The following DRC1 variants were observed in gnomAD, a reference collection of about 807,000 sequenced individuals.
DRC1 encodes dynein regulatory complex subunit 1.
DRC1 carries 74 observed loss-of-function variants against 98.7 expected under a neutral mutation model. The observed-to-expected ratio is 0.75, with a 90% CI of 0.62 to 0.91. The LOEUF is 0.91. Ranked by LOEUF, DRC1 falls within the 40% of genes least tolerant of loss-of-function variation. The pLI is 0.00. For synonymous variants in DRC1, 336 were observed against 334.1 expected, an observed-to-expected ratio of 1.01 and a Z score of -0.06; for missense variants, 875 against 886.0, an observed-to-expected ratio of 0.99 and a Z score of 0.16.
chr2:26,439,936 T>TATATACACAC lies in DRC1; in HGVS notation c.889-441_889-440insTATACACACA, dbSNP rs548209014. On this transcript the variant is annotated intron_variant, in intron 7 of 16. Transcript: ENST00000288710. Reference sequence around the variant, plus strand: ...ACTAGTGTGTGAATATATATATATATACACACACACATACACACACACACA... The same window carrying TATATACACAC: ...ACTAGTGTGTGAATATATATATATATATATACACACACACACACACATACACACACACACA... Among the ~76,000 whole-genome samples, 54 of 75,504 alleles carry TATATACACAC rather than the reference T, an allele frequency of 7.2e-4. 3 individuals are homozygous for TATATACACAC. Among genetic ancestry groups the TATATACACAC allele is most frequent in the African/African-American group, 2.1e-3 (48 of 23,056 alleles). The allele number at this position is 75,504 out of a possible 152,430, so 49.5% of individuals were successfully genotyped here. A position where few individuals can be genotyped will look rare whatever the true frequency, so the allele number is the denominator to read the frequency against.
intron 2 of DRC1, among the ~76,000 whole-genome samples, chr2:26,419,805 CACA>C (rs534758490): frequency 2.5e-4 from 38 of 152,308 alleles, no homozygotes; most frequent in African/African-American, 7.7e-4. Flanking sequence ...TGAATAACAT[CACA>C]ACAAGGCTAG....
At chr2:26,456,029 T>C (rs533664372) in intron 16 of DRC1, among the ~76,000 whole-genome samples, 1 of 152,180 alleles carries the variant, frequency 6.6e-6, no homozygotes, top group South Asian at 2.1e-4. Flanking sequence ...CAGCTGAAAG[T>C]GGGATGTTGT....
intron 2 of DRC1, among the ~76,000 whole-genome samples, chr2:26,414,785 C>T (rs1232428374): frequency 2.6e-5 from 4 of 152,096 alleles, no homozygotes; most frequent in African/African-American, 7.2e-5. Flanking sequence ...TTTGGTGAGG[C>T]GGATCCACTC....
In DRC1 at chr2:26,406,698, C is replaced by T. The variant is rs554838442; in HGVS notation, c.155+4554C>T. Among the ~76,000 whole-genome samples the T allele has an allele frequency of 5.3e-5, 8 of 151,296 alleles. No individual in the cohort carries two copies. The East Asian group carries it at 1.2e-3, about 22-fold the overall frequency. On this transcript the variant is annotated intron_variant, in intron 1 of 16. Transcript: ENST00000288710. The stretch of plus-strand genomic sequence containing the variant: ...CTGTACTCCAGCCTGGATGACAGAA[C>T]GAGACTCCTTCTCAAAAAAACCAAA...
In DRC1 at chr2:26,440,462, AAG is replaced by A; in HGVS notation, c.979_980del (p.Asp327Ter). ...AGAGTACAACTTGCAGGTGCTGAAG[AAG>A]AGAGATGAAGAAAGCACAGTAATTA... Reference protein sequence around the residue: ...KLEYNLQVLKKRDEESTVIKS... With the variant: ...KLEYNLQVLKXRDEESTVIKS... On this transcript the variant is annotated frameshift_variant, in exon 8 of 17. Coordinates refer to ENST00000288710, the MANE Select transcript of DRC1 (RefSeq NM_145038.5). LOFTEE classifies it high-confidence loss of function. 1 of 1,613,608 alleles carries A rather than the reference AAG, an allele frequency of 6.2e-7. No individual in the cohort carries two copies. The highest frequency in any genetic ancestry group is 1.1e-5 in the South Asian group (1 of 90,992).
At chr2:26,415,950 A>T (rs868652473) in intron 2 of DRC1, among the ~76,000 whole-genome samples, 154 of 152,150 alleles carry the variant, frequency 1.0e-3, no homozygotes, top group African/African-American at 3.6e-3. Flanking sequence ...AAAAAAAAAA[A>T]AAAAAAGTCA....
At chr2:26,418,662 T>TAA (rs1488579746) in intron 2 of DRC1, among the ~76,000 whole-genome samples, 1 of 89,820 alleles carries the variant, frequency 1.1e-5, no homozygotes, top group South Asian at 3.0e-4. Flanking sequence ...AAATTATATA[T>TAA]TATATAAATT....
At chr2:26,406,017 C>CT (rs1678414152) in intron 1 of DRC1, among the ~76,000 whole-genome samples, 1 of 152,144 alleles carries the variant, frequency 6.6e-6, no homozygotes, top group Admixed American at 6.5e-5. Context: ...TGGGACCATT[C>CT]TGTACCATTT....
rs1664091737 is a variant in DRC1, at chr2:26,454,640, C to T, written c.1920-7C>T. 3.1e-6 allele frequency: 5 copies of T among 1,613,888 alleles called. No homozygotes were observed. Among genetic ancestry groups the T allele is most frequent in the African/African-American group, 2.7e-5 (2 of 75,030 alleles). ...GACATGACAATCACTGTGCTCTTGG[C>T]CTTCAGGGACTCGCGGGCCCCGCTG... On this transcript the variant is annotated splice_polypyrimidine_tract_variant and splice_region_variant and intron_variant, in intron 14 of 16. Transcript: ENST00000288710. This position sits in a 1 kb window ranked among gnomAD's most constrained non-coding sequence, Gnocchi z 5.2.
intron 2 of DRC1, among the ~76,000 whole-genome samples, chr2:26,415,854 C>T (rs1014344098): frequency 6.6e-6 from 1 of 151,198 alleles, no homozygotes; most frequent in Admixed American, 6.6e-5. Flanking sequence ...ATTCCTTGAA[C>T]CCACGAGGTG....
chr2:26,453,597 C>G, intron 14 of DRC1, 48 bp downstream of exon 14: 1 of 1,567,174 alleles, frequency 6.4e-7, no homozygotes, highest in Non-Finnish European at 8.7e-7. Context: ...ACCAGGGGAG[C>G]TGGATGGGCT....
intron 2 of DRC1, among the ~76,000 whole-genome samples, chr2:26,419,868 G>A (rs1663079807): frequency 6.6e-6 from 1 of 152,190 alleles, no homozygotes; most frequent in African/African-American, 2.4e-5. Flanking sequence ...TAGAAGGATG[G>A]CACCAATTAC....
chr2:26,402,098 C>T lies in DRC1; in HGVS notation c.109C>T (p.Gln37Ter). The T allele has an allele frequency of 6.2e-7, 1 of 1,612,602 alleles. No homozygotes were observed. The highest frequency in any genetic ancestry group is 1.1e-5 in the South Asian group (1 of 91,028). ...VHSDNSQERI[Q>*]ARRLRIAARL... is the part of the protein sequence containing the mutation. ...CTCCGACAACTCTCAGGAGCGCATC[C>T]AGGCCCGGCGCCTCCGCATCGCTGC... The change falls in exon 1 of 17, where the codon CAG (glutamine) becomes TAG (stop). Residue 37 changes from glutamine to a stop codon, truncating the protein, a stop_gained. Transcript: ENST00000288710. LOFTEE classifies it high-confidence loss of function.
Position 26,454,843 on chromosome 2 carries a change from GT to G in DRC1, c.2063+55del, listed in dbSNP as rs1664101214. ...GGTGCTGGCGGGCAGGTGAGGAACGGTTGTTGGGAGCAGCCGCGTTTGCTGC... is the reference window on the plus strand; with the variant it reads ...GGTGCTGGCGGGCAGGTGAGGAACGGTGTTGGGAGCAGCCGCGTTTGCTGC... On this transcript the variant is annotated intron_variant, in intron 15 of 16. Transcript: ENST00000288710. The surrounding 1 kb of genome is among the most constrained non-coding windows in gnomAD (Gnocchi z 5.2). 45 of 1,610,008 alleles carry G rather than the reference GT, an allele frequency of 2.8e-5. 2 individuals carry two copies. The South Asian group carries it at 4.8e-4, about 17-fold the overall frequency.
At chr2:26,406,924 C>G (rs1374243192) in intron 1 of DRC1, among the ~76,000 whole-genome samples, 1 of 147,262 alleles carries the variant, frequency 6.8e-6, no homozygotes, top group African/African-American at 2.5e-5. Context: ...CTCAAGTGAT[C>G]CCCCCCACCC....
intron 4 of DRC1, among the ~76,000 whole-genome samples, chr2:26,426,603 G>T (rs760026478): frequency 2.0e-5 from 3 of 151,960 alleles, no homozygotes; most frequent in Non-Finnish European, 4.4e-5. Context: ...CTGACCTCAG[G>T]TGACCCACCT....
chr2:26,450,571 C>A, intron 12 of DRC1, 21 bp from the exon 13 acceptor site: 1 of 1,606,460 alleles, frequency 6.2e-7, no homozygotes. Flanking sequence ...GTTTGAGCAA[C>A]CATCCTGTTT....
intron 2 of DRC1, among the ~76,000 whole-genome samples, chr2:26,417,993 A>T (rs544528263): frequency 5.3e-5 from 8 of 151,290 alleles, no homozygotes; most frequent in African/African-American, 1.9e-4. Context: ...TTCTTCCCTT[A>T]TTGCATTAGT....
At chr2:26,426,961 A>G (rs1170121465) in intron 4 of DRC1, among the ~76,000 whole-genome samples, 1 of 152,122 alleles carries the variant, frequency 6.6e-6, no homozygotes, top group African/African-American at 2.4e-5. Context: ...TACAGTTTTC[A>G]GTGTACAAGG....
Sources: allele counts gnomAD v4.1 joint callset (sites outside exome capture counted in the v4.1 genomes callset), GRCh38; gene constraint gnomAD v4.1.1; non-coding constraint Gnocchi (gnomAD v3.1); transcripts MANE v1.5; gene names NCBI Gene and HGNC (gene_info 2026-07-23, HGNC 2026-07-21).